The following VSIG10 variants were observed in gnomAD, a reference collection of about 807,000 sequenced individuals.
VSIG10 encodes V-set and immunoglobulin domain-containing protein 10.
VSIG10 carries 48 observed loss-of-function variants against 58.7 expected under a neutral mutation model. The observed-to-expected ratio is 0.82, with a 90% CI of 0.65 to 1.04. VSIG10 has a LOEUF of 1.04. Among genes scored for constraint, VSIG10 ranks in the 50% least tolerant of loss-of-function variants. VSIG10 has a pLI of 0.00. For missense variants in VSIG10, 628 were observed against 670.0 expected, an observed-to-expected ratio of 0.94 and a Z score of 0.69; for synonymous variants, 260 against 267.1, an observed-to-expected ratio of 0.97 and a Z score of 0.26.
intron 4 of VSIG10, among the ~76,000 whole-genome samples, chr12:118,077,964 G>T (rs755210385): frequency 2.6e-5 from 4 of 152,048 alleles, no homozygotes; most frequent in Admixed American, 6.6e-5. Context: ...GATAATAAAT[G>T]GTTATTCTTG....
chr12:118,084,740 G>A (rs896275374), intron 2 of VSIG10, among the ~76,000 whole-genome samples: 5 of 152,166 alleles, frequency 3.3e-5, no homozygotes, highest in Non-Finnish European at 5.9e-5. Flanking sequence ...TCAGCTGGGC[G>A]TGGTAGAGCA....
At chr12:118,099,829 T>C (rs939769890) in intron 1 of VSIG10, among the ~76,000 whole-genome samples, 2 of 152,176 alleles carry the variant, frequency 1.3e-5, no homozygotes, top group Non-Finnish European at 2.9e-5. Context: ...TTTGGCCTCT[T>C]GTCTGGTTAG....
chr12:118,068,575 T>A lies in VSIG10; in HGVS notation c.1369A>T (p.Met457Leu). The A allele has an allele frequency of 6.3e-7, 1 of 1,575,172 alleles. No individual in the cohort carries two copies. Among genetic ancestry groups the A allele is most frequent in the South Asian group, 1.2e-5 (1 of 86,816 alleles). The change falls in exon 8 of 9, where the codon ATG becomes TTG. Residue 457 changes from methionine (M) to leucine (L), a missense_variant. Coordinates refer to ENST00000359236, the MANE Select transcript of VSIG10 (RefSeq NM_019086.6). ...TCCTCTTCTGAATCCACCAAAACCATGACATCATCCATGTTTTGTCCCCTA... is the reference window on the plus strand; with the variant it reads ...TCCTCTTCTGAATCCACCAAAACCAAGACATCATCCATGTTTTGTCCCCTA... ...TSRGQNMDDV[M>L]VLVDSEEEEE...
rs188910880 is a variant in VSIG10 at position 118,089,724 on chromosome 12, C to T, written c.361+5809G>A. 1.5e-3 allele frequency among the ~76,000 whole-genome samples: 231 copies of T among 152,290 alleles called. 2 individuals carry two copies. Among genetic ancestry groups the T allele is most frequent in the African/African-American group, 5.2e-3 (216 of 41,562 alleles). The stretch of plus-strand genomic sequence containing the variant: ...TTTGAGAATTGGCAGAAACCTTAGA[C>T]ATCACCCAAAACCAAGAAGTGTCCT... On this transcript the variant is annotated intron_variant, in intron 2 of 8. Coordinates refer to ENST00000359236, the MANE Select transcript of VSIG10 (RefSeq NM_019086.6).
At chr12:118,088,880 T>G (rs561734404) in intron 2 of VSIG10, among the ~76,000 whole-genome samples, 1 of 152,108 alleles carries the variant, frequency 6.6e-6, no homozygotes, top group Non-Finnish European at 1.5e-5. Flanking sequence ...AACTAAGACA[T>G]GCACAGGACT....
At chr12:118,094,893 T>A (rs1225465068) in intron 2 of VSIG10, among the ~76,000 whole-genome samples, 2 of 135,408 alleles carry the variant, frequency 1.5e-5, no homozygotes, top group Non-Finnish European at 3.2e-5. Context: ...TGCGCCACCA[T>A]GCCTGGCGAA....
intron 6 of VSIG10, 134 bp downstream of exon 6, chr12:118,071,225 A>G: frequency 8.5e-7 from 1 of 1,182,676 alleles, no homozygotes; most frequent in Non-Finnish European, 1.2e-6. Flanking sequence ...GTGACTTATT[A>G]CTGTGTATCT....
chr12:118,071,384 A>G lies in VSIG10; in HGVS notation c.1305T>C (p.His435=), dbSNP rs1207371857. 6.2e-7 allele frequency: 1 copy of G among 1,613,864 alleles called. No individual in the cohort carries two copies. Residue 435 remains histidine, a synonymous_variant, in exon 6 of 9, where the codon CAT becomes CAC. Coordinates refer to ENST00000359236, the MANE Select transcript of VSIG10 (RefSeq NM_019086.6). ...CTTTCCAGCAGAACACAGGGCTATA[A>G]TGCAACAGAAGCCCTGAGATAATGG... ...GLAIISGLLL[H]YSPVFCWKVG...
chr12:118,086,315 A>T (rs2033125709), intron 2 of VSIG10, among the ~76,000 whole-genome samples: 1 of 151,860 alleles, frequency 6.6e-6, no homozygotes, highest in Non-Finnish European at 1.5e-5. Flanking sequence ...TAAAAACACA[A>T]AAATTATTCA....
intron 3 of VSIG10, among the ~76,000 whole-genome samples, chr12:118,081,768 G>A (rs550010716): frequency 1.3e-4 from 20 of 152,294 alleles, no homozygotes; most frequent in Admixed American, 1.3e-4. Flanking sequence ...TGTAATCCCA[G>A]CACTATGGGA....
intron 1 of VSIG10, chr12:118,102,055 T>G (rs1220556270): frequency 6.6e-6 from 1 of 152,324 alleles, no homozygotes; most frequent in African/African-American, 2.4e-5. Flanking sequence ...GGAGGATCAG[T>G]GCAGTGATTG....
chr12:118,091,897 A>C lies in VSIG10; in HGVS notation c.361+3636T>G, dbSNP rs868816277. Among the ~76,000 whole-genome samples, 5 of 152,044 alleles carry C rather than the reference A, an allele frequency of 3.3e-5. No individual in the cohort carries two copies. In the Middle Eastern group the frequency reaches 0.01, roughly 310 times the overall value. ...CTCAGCTTCCCGAGTAGCTGGGATT[A>C]CAGGTGCACACCACCACACCTGGCT... On this transcript the variant is annotated intron_variant, in intron 2 of 8. Coordinates refer to ENST00000359236, the MANE Select transcript of VSIG10 (RefSeq NM_019086.6).
Position 118,103,830 on chromosome 12 carries a change from C to A in VSIG10, c.-159G>T. On this transcript the variant is annotated 5_prime_UTR_variant, in exon 1 of 9. Coordinates refer to ENST00000359236, the MANE Select transcript of VSIG10 (RefSeq NM_019086.6). ...CCCCCAGGAAGGATGCTTGGCTGAG[C>A]CGAGTGTCCAGGGCCGGCAGCGGAG... 1.5e-6 allele frequency: 1 copy of A among 685,474 alleles called. No individual in the cohort carries two copies. The highest frequency in any genetic ancestry group is 3.5e-5 in the East Asian group (1 of 28,868). The allele number at this position is 685,474 out of a possible 1,614,324, so 42.5% of individuals were successfully genotyped here.
In VSIG10 at chr12:118,071,420, CAGA is replaced by C. The variant is rs1566155788; in HGVS notation, c.1266_1268del (p.Leu424del). On this transcript the variant is annotated inframe_deletion, in exon 6 of 9. Coordinates refer to ENST00000359236, the MANE Select transcript of VSIG10 (RefSeq NM_019086.6). ...GCCCTGAGATAATGGCCAGTCCCAG[CAGA>C]AGGAGGCTCACAATGGTTCCCACAA... 5 of 1,613,816 alleles carry C rather than the reference CAGA, an allele frequency of 3.1e-6. No homozygotes were observed. Among genetic ancestry groups the C allele is most frequent in the Non-Finnish European group, 4.2e-6 (5 of 1,179,884 alleles).
intron 4 of VSIG10, among the ~76,000 whole-genome samples, chr12:118,074,266 TAG>T: frequency 6.6e-6 from 1 of 152,156 alleles, no homozygotes; most frequent in Non-Finnish European, 1.5e-5. Context: ...GTATTTTTAG[TAG>T]AGACAGGGTT....
intron 3 of VSIG10, among the ~76,000 whole-genome samples, chr12:118,081,880 G>T (rs1398747939): frequency 6.6e-6 from 1 of 152,170 alleles, no homozygotes; most frequent in Admixed American, 6.6e-5. Context: ...GCTGAGCGTG[G>T]TGGCCCATGC....
intron 8 of VSIG10, among the ~76,000 whole-genome samples, chr12:118,068,105 T>G (rs2032322445): frequency 7.2e-6 from 1 of 139,752 alleles, no homozygotes; most frequent in Non-Finnish European, 1.5e-5. Context: ...CATAGCTCAC[T>G]GCAGCCTGGA....
At chr12:118,095,199 G>A (rs922542006) in intron 2 of VSIG10, among the ~76,000 whole-genome samples, 6 of 151,838 alleles carry the variant, frequency 4.0e-5, no homozygotes, top group Non-Finnish European at 5.9e-5. Context: ...CACCGCACCC[G>A]GCCGGCATTT....
chr12:118,091,487 G>A (rs1426284030), intron 2 of VSIG10, among the ~76,000 whole-genome samples: 2 of 140,650 alleles, frequency 1.4e-5, no homozygotes, highest in Non-Finnish European at 3.1e-5. Flanking sequence ...GCAAGACTCT[G>A]TCTCAAAAAA....
Sources: gnomAD v4.1 joint callset for allele counts (sites outside exome capture counted in the v4.1 genomes callset) on GRCh38, gnomAD v4.1.1 for gene constraint, MANE v1.5 for transcripts, NCBI Gene and HGNC (gene_info 2026-07-23, HGNC 2026-07-21) for gene names.